The following KIF26B variants were observed in gnomAD, a reference collection of about 807,000 sequenced individuals.
The protein encoded by KIF26B is kinesin-like protein KIF26B.
KIF26B carries 63 observed loss-of-function variants against 151.2 expected under a neutral mutation model. The observed-to-expected ratio is 0.42, with a 90% CI of 0.34 to 0.51. The LOEUF is 0.51. KIF26B is among the 20% of genes least tolerant of loss of function. KIF26B has a pLI of 0.07. For missense variants in KIF26B, 2,813 were observed against 2,913.6 expected, an observed-to-expected ratio of 0.97 and a Z score of 0.79; for synonymous variants, 1,357 against 1,262.1, an observed-to-expected ratio of 1.08 and a Z score of -1.59.
At position 245,684,408 on chromosome 1, in the gene KIF26B, C is replaced by T. The variant is rs376290056; in HGVS notation, c.2421+13C>T. On this transcript the variant is annotated intron_variant, in intron 11 of 14. Transcript: ENST00000407071. ...AAAGAAGACGAAGGTAAGGAGCTCG[C>T]GGGGTGGGGGGGTGGTGGATGAGGG... 1.6e-4 allele frequency: 251 copies of T among 1,543,052 alleles called. 5 individuals are homozygous for T. The highest frequency in any genetic ancestry group is 1.5e-3 in the South Asian group (133 of 86,586).
intron 5 of KIF26B, among the ~76,000 whole-genome samples, chr1:245,554,995 G>A (rs551129078): frequency 2.0e-5 from 3 of 152,306 alleles, no homozygotes; most frequent in East Asian, 1.9e-4. Context: ...GCTCAAGGTC[G>A]TATAGAAAGT....
At chr1:245,590,510 A>G (rs748034854) in intron 5 of KIF26B, among the ~76,000 whole-genome samples, 32 of 152,362 alleles carry the variant, frequency 2.1e-4, no homozygotes, top group African/African-American at 1.2e-4. Context: ...TCTACCAAGT[A>G]TTCAGAAAAA....
chr1:245,364,164 G>A (rs1445837262), intron 2 of KIF26B, among the ~76,000 whole-genome samples: 4 of 152,188 alleles, frequency 2.6e-5, no homozygotes, highest in African/African-American at 9.7e-5. Flanking sequence ...GGGCGTGCAG[G>A]AAACCAAAGT....
chr1:245,534,161 C>CTT (rs200739798), intron 4 of KIF26B, among the ~76,000 whole-genome samples: 24 of 145,560 alleles, frequency 1.6e-4, no homozygotes, highest in Non-Finnish European at 1.8e-4. Context: ...TGTGGCACCA[C>CTT]TTTTTTTTTT....
intron 4 of KIF26B, among the ~76,000 whole-genome samples, chr1:245,450,873 T>A (rs1659373809): frequency 6.6e-6 from 1 of 152,194 alleles, no homozygotes; most frequent in African/African-American, 2.4e-5. Context: ...TATTTTAAGA[T>A]GAATTTTTAA....
intron 2 of KIF26B, among the ~76,000 whole-genome samples, chr1:245,363,465 G>A (rs1672869125): frequency 6.6e-6 from 1 of 152,172 alleles, no homozygotes; most frequent in Non-Finnish European, 1.5e-5. Context: ...CAAAGTGCTG[G>A]GGTTACAGGC....
intron 11 of KIF26B, 114 bp from the exon 12 acceptor site, chr1:245,685,291 G>A (rs1380512569): frequency 8.0e-6 from 7 of 879,444 alleles, no homozygotes; most frequent in African/African-American, 5.1e-5. Flanking sequence ...GCCAACGGGG[G>A]TGGCTGTCAG....
intron 4 of KIF26B, among the ~76,000 whole-genome samples, chr1:245,539,061 G>A (rs1661545544): frequency 6.6e-6 from 1 of 152,030 alleles, no homozygotes; most frequent in Non-Finnish European, 1.5e-5. Flanking sequence ...AAAGTGTCCC[G>A]TGCCTTCCCT....
At chr1:245,445,978 C>A (rs749360321) in intron 4 of KIF26B, among the ~76,000 whole-genome samples, 7 of 152,176 alleles carry the variant, frequency 4.6e-5, no homozygotes, top group Non-Finnish European at 7.3e-5. Context: ...CATCACATTT[C>A]TTTTTCTCAC....
chr1:245,303,428 G>C (rs370813737), intron 2 of KIF26B, among the ~76,000 whole-genome samples: 3 of 150,654 alleles, frequency 2.0e-5, no homozygotes, highest in Non-Finnish European at 4.4e-5. Context: ...TCGATCTCCT[G>C]ACCTCGTGAT....
rs115539182 is a variant in KIF26B, at chr1:245,602,868, G to T, written c.1557+85G>T. On this transcript the variant is annotated intron_variant, in intron 6 of 14. Coordinates refer to ENST00000407071, the MANE Select transcript of KIF26B (RefSeq NM_018012.4). This position sits in a 1 kb window ranked among gnomAD's most constrained non-coding sequence, Gnocchi z 4.5. ...TTCACAAGGGCCCTTGAGCTGGGAG[G>T]GTGTCTTCTGGAGCATTCTGATGGA... The T allele has an allele frequency of 2.3e-5, 28 of 1,243,114 alleles. No homozygotes were observed. The highest frequency in any genetic ancestry group is 1.4e-4 in the East Asian group (6 of 43,164). 77.0% of individuals were successfully genotyped at this position (1,243,114 alleles called of 1,614,324 possible). A position where few individuals can be genotyped will look rare whatever the true frequency, so the allele number is the denominator to read the frequency against.
At chr1:245,176,200 T>C (rs1668806659) in intron 2 of KIF26B, among the ~76,000 whole-genome samples, 1 of 152,044 alleles carries the variant, frequency 6.6e-6, no homozygotes, top group Admixed American at 6.6e-5. Flanking sequence ...GGTTTCTCCA[T>C]GTTGGTCAGG....
intron 3 of KIF26B, among the ~76,000 whole-genome samples, chr1:245,414,056 T>C (rs547600344): frequency 6.6e-6 from 1 of 152,310 alleles, no homozygotes; most frequent in African/African-American, 2.4e-5. Context: ...TGTCCTTAGC[T>C]CTGTCTTGTG....
In KIF26B at chr1:245,444,407, G is replaced by A. The variant is rs928067641; in HGVS notation, c.1166+24662G>A. Among the ~76,000 whole-genome samples, 3 of 152,126 alleles carry A rather than the reference G, an allele frequency of 2.0e-5. No individual in the cohort carries two copies. In the South Asian group the frequency reaches 6.2e-4, roughly 32 times the overall value. On this transcript the variant is annotated intron_variant, in intron 4 of 14. Transcript: ENST00000407071. ...AGCACACAGAAGGGGTCTGGGCTAA[G>A]CAGCAGCGTGGCGACCTACACCCGC... is the stretch of plus-strand genomic sequence containing the variant.
chr1:245,580,459 TTAGA>T (rs1387754495), intron 5 of KIF26B, among the ~76,000 whole-genome samples: 3 of 152,250 alleles, frequency 2.0e-5, no homozygotes, highest in East Asian at 3.9e-4. Flanking sequence ...AAAGGGCTAA[TTAGA>T]TAGACCAGGG....
At chr1:245,395,040 C>G (rs1673798682) in intron 3 of KIF26B, among the ~76,000 whole-genome samples, 2 of 152,160 alleles carry the variant, frequency 1.3e-5, no homozygotes, top group Admixed American at 1.3e-4. Context: ...AGCATTTATT[C>G]AGGACCTACT....
At position 245,367,212 on chromosome 1, in the gene KIF26B, G is replaced by A. The variant is rs1450775265; in HGVS notation, c.844G>A (p.Gly282Arg). ...GVSNGAEKKS[G>R]SPTHQAKVSL... Reference sequence around the variant, plus strand: ...CAGCAATGGGGCGGAAAAGAAGAGCGGGTCCCCAACCCACCAGGCCAAGGT... The same window carrying A: ...CAGCAATGGGGCGGAAAAGAAGAGCAGGTCCCCAACCCACCAGGCCAAGGT... The change falls in exon 3 of 15, where the codon GGG (glycine) becomes AGG (arginine). Residue 282 changes from glycine (G) to arginine (R), a missense_variant. Physicochemically the swap from Gly to Arg is moderately radical, Grantham distance 125. Around this residue, in one of 3 missense-constraint regions of KIF26B, gnomAD observed 676 missense variants for 688.1 expected, o/e 0.98. Transcript: ENST00000407071. This position sits in a 1 kb window ranked among gnomAD's most constrained non-coding sequence, Gnocchi z 4.2. 6.8e-6 allele frequency: 11 copies of A among 1,609,842 alleles called. No homozygotes were observed. The highest frequency in any genetic ancestry group is 3.3e-4 in the Middle Eastern group (2 of 6,072).
In KIF26B at chr1:245,250,467, A is replaced by G. The variant is rs559738785; in HGVS notation, c.465+93784A>G. On this transcript the variant is annotated intron_variant, in intron 2 of 14. Coordinates refer to ENST00000407071, the MANE Select transcript of KIF26B (RefSeq NM_018012.4). Reference sequence around the variant, plus strand: ...TGGACACTGTTACAAGCGGTGCTATAATAAACTTGTGCAAGTAACTCTTCA... The same window carrying G: ...TGGACACTGTTACAAGCGGTGCTATGATAAACTTGTGCAAGTAACTCTTCA... Among the ~76,000 whole-genome samples, 6 of 152,296 alleles carry G rather than the reference A, an allele frequency of 3.9e-5. No homozygotes were observed. The South Asian group carries it at 1.2e-3, about 32-fold the overall frequency.
chr1:245,369,556 C>T (rs1673056303), intron 3 of KIF26B, among the ~76,000 whole-genome samples: 1 of 152,198 alleles, frequency 6.6e-6, no homozygotes, highest in African/African-American at 2.4e-5. Flanking sequence ...TTTCCTTTAA[C>T]CCCACAGTAG....
Sources: allele counts gnomAD v4.1 joint callset (sites outside exome capture counted in the v4.1 genomes callset), GRCh38; gene constraint gnomAD v4.1.1; regional missense constraint gnomAD v4.1.1; non-coding constraint Gnocchi (gnomAD v3.1); transcripts MANE v1.5; gene names NCBI Gene and HGNC (gene_info 2026-07-23, HGNC 2026-07-21).